Variants in FNTA observed in about 807,000 individuals in gnomAD.
The protein encoded by FNTA is farnesyltransferase, CAAX box, subunit alpha.
A neutral mutation model predicts 55.2 loss-of-function variants in FNTA; 27 were observed. That is an observed-to-expected ratio of 0.49 (90% CI 0.36 to 0.67). The LOEUF (loss-of-function observed/expected upper bound fraction) is 0.67. Among genes scored for constraint, FNTA ranks in the 30% least tolerant of loss-of-function variants. FNTA has a pLI of 0.00. For synonymous variants in FNTA, 176 were observed against 170.7 expected, an observed-to-expected ratio of 1.03 and a Z score of -0.24; for missense variants, 422 against 464.7, an observed-to-expected ratio of 0.91 and a Z score of 0.85.
At chr8:43,059,785 GATC>G (rs1388485711) in intron 2 of FNTA, among the ~76,000 whole-genome samples, 1 of 125,232 alleles carries the variant, frequency 8.0e-6, no homozygotes, top group African/African-American at 2.9e-5. Flanking sequence ...GCTTTTCTAA[GATC>G]ATTCTTTTAC....
At position 43,069,665 on chromosome 8, in the gene FNTA, T is replaced by A. The variant is rs1244329457; in HGVS notation, c.506+6T>A. On this transcript the variant is annotated splice_donor_region_variant and intron_variant, in intron 4 of 8. Coordinates refer to ENST00000302279, the MANE Select transcript of FNTA (RefSeq NM_002027.3). ...CCCAAAAACTATCAAGTTTGGTAAG[T>A]TTGGAGTCTAGCTGTGTCTCCCAGG... 5 of 1,584,160 alleles carry A rather than the reference T, an allele frequency of 3.2e-6. No individual in the cohort carries two copies. Among genetic ancestry groups the A allele is most frequent in the East Asian group, 4.5e-5 (2 of 44,618 alleles).
chr8:43,067,749 TC>T (rs151216218), intron 3 of FNTA, among the ~76,000 whole-genome samples: 3,123 of 152,116 alleles, frequency 0.021, 115 homozygotes, highest in African/African-American at 0.071. Context: ...AGATGGAGTC[TC>T]ACGCTGTTGC....
At chr8:43,066,567 CT>C (rs1810664563) in intron 3 of FNTA, among the ~76,000 whole-genome samples, 2 of 145,500 alleles carry the variant, frequency 1.4e-5, no homozygotes, top group Non-Finnish European at 3.0e-5. Flanking sequence ...CCTGAATATT[CT>C]TTTTTAAATA....
intron 2 of FNTA, chr8:43,063,156 C>T: frequency 2.4e-6 from 1 of 418,524 alleles, no homozygotes; most frequent in Non-Finnish European, 4.8e-6. Flanking sequence ...TCATGGCTCA[C>T]TGCAGCCTTG....
At chr8:43,077,642 A>T in intron 6 of FNTA, 1 of 232,394 alleles carries the variant, frequency 4.3e-6, no homozygotes, top group Non-Finnish European at 8.3e-6. Context: ...CCATCTCATT[A>T]AATTTTGTTG....
chr8:43,067,378 G>A (rs762479731), intron 3 of FNTA, among the ~76,000 whole-genome samples: 18 of 152,278 alleles, frequency 1.2e-4, no homozygotes, highest in Middle Eastern at 3.4e-3. Flanking sequence ...TCCAGTTGCC[G>A]TGGTATCTTT....
At chr8:43,081,587 C>G (rs562962368) in intron 6 of FNTA, 66 of 152,350 alleles carry the variant, frequency 4.3e-4, no homozygotes, top group African/African-American at 1.5e-3. Context: ...TCCTAAGAGA[C>G]AGGGTTTCAC....
intron 3 of FNTA, among the ~76,000 whole-genome samples, chr8:43,067,381 G>T (rs1810685030): frequency 6.6e-6 from 1 of 152,138 alleles, no homozygotes; most frequent in African/African-American, 2.4e-5. Flanking sequence ...AGTTGCCGTG[G>T]TATCTTTGCC....
At chr8:43,067,414 G>C (rs565506558) in intron 3 of FNTA, among the ~76,000 whole-genome samples, 1 of 152,132 alleles carries the variant, frequency 6.6e-6, no homozygotes, top group African/African-American at 2.4e-5. Flanking sequence ...GTTCTTGTGG[G>C]TTTATTCCTT....
chr8:43,059,992 T>G (rs1810494378), intron 2 of FNTA, among the ~76,000 whole-genome samples: 1 of 152,152 alleles, frequency 6.6e-6, no homozygotes. Flanking sequence ...AAAAGGACAT[T>G]TTATACCTTT....
chr8:43,077,486 C>T, intron 6 of FNTA, 122 bp downstream of exon 6: 1 of 595,374 alleles, frequency 1.7e-6, no homozygotes, highest in South Asian at 3.1e-5. Context: ...GGACAGAGTA[C>T]TGAGTGGAAC....
chr8:43,059,202 G>T, intron 2 of FNTA, 25 bp downstream of exon 2: 1 of 1,526,256 alleles, frequency 6.6e-7, no homozygotes, highest in Non-Finnish European at 9.0e-7. Context: ...ATTAGGAAAA[G>T]GTCTGTAAGT....
At chr8:43,084,645 A>T (rs1811090186) in intron 7 of FNTA, 65 bp from the exon 8 acceptor site, 2 of 1,283,384 alleles carry the variant, frequency 1.6e-6, no homozygotes, top group Non-Finnish European at 2.2e-6. Context: ...TTTTCTCTTG[A>T]TCTTTCTACT....
chr8:43,083,577 G>A (rs1206338862), intron 7 of FNTA, among the ~76,000 whole-genome samples: 7 of 152,068 alleles, frequency 4.6e-5, no homozygotes, highest in African/African-American at 1.7e-4. Context: ...AGAGATCTCC[G>A]CCTTCAGGTT....
chr8:43,071,831 C>T lies in FNTA; in HGVS notation c.507-350C>T, dbSNP rs1810799890. Among the ~76,000 whole-genome samples, 4 of 152,186 alleles carry T rather than the reference C, an allele frequency of 2.6e-5. 1 individual carries two copies. In the South Asian group the frequency reaches 8.3e-4, roughly 32 times the overall value. ...AAGCTGCTTGTTTGATGACACTTTG[C>T]ACTTAGGGAAAATTGACAGGCGTGT... On this transcript the variant is annotated intron_variant, in intron 4 of 8. Transcript: ENST00000302279.
chr8:43,064,055 A>G (rs1174945540), intron 2 of FNTA, 46 bp from the exon 3 acceptor site: 2 of 1,197,598 alleles, frequency 1.7e-6, no homozygotes, highest in Non-Finnish European at 2.5e-6. Context: ...TATAGTGCTA[A>G]TTTTAAGTAA....
intron 2 of FNTA, among the ~76,000 whole-genome samples, chr8:43,063,680 G>A (rs1431744040): frequency 2.0e-5 from 3 of 152,168 alleles, no homozygotes; most frequent in African/African-American, 7.2e-5. Context: ...TGGGAATTTA[G>A]TGGAATGGAA....
chr8:43,057,175 T>C (rs896570431), intron 1 of FNTA: 1 of 152,212 alleles, frequency 6.6e-6, no homozygotes, highest in Admixed American at 6.5e-5. Flanking sequence ...GCGGTAACTT[T>C]CTTGCCTCTG....
At position 43,085,333 on chromosome 8, in the gene FNTA, C is replaced by G; in HGVS notation, c.*51C>G. 1 of 1,565,522 alleles carries G rather than the reference C, an allele frequency of 6.4e-7. No homozygotes were observed. Among genetic ancestry groups the G allele is most frequent in the Non-Finnish European group, 8.7e-7 (1 of 1,150,334 alleles). On this transcript the variant is annotated 3_prime_UTR_variant, in exon 9 of 9. Coordinates refer to ENST00000302279, the MANE Select transcript of FNTA (RefSeq NM_002027.3). ...TGCTTTTATTTTTTATTAAGGGACCCTGCAGGAGTTTCACACGAGAGTGGT... is the reference window on the plus strand; with the variant it reads ...TGCTTTTATTTTTTATTAAGGGACCGTGCAGGAGTTTCACACGAGAGTGGT...
Sources: allele counts gnomAD v4.1 joint callset (sites outside exome capture counted in the v4.1 genomes callset), GRCh38; gene constraint gnomAD v4.1.1; transcripts MANE v1.5; gene names NCBI Gene and HGNC (gene_info 2026-07-23, HGNC 2026-07-21).